GPC5: variants seen among roughly 807,000 people sequenced by gnomAD.
The protein encoded by GPC5 is glypican-5.
GPC5 carries 47 observed loss-of-function variants against 53.9 expected under a neutral mutation model. The observed-to-expected ratio is 0.87, with a 90% CI of 0.69 to 1.11. The LOEUF (loss-of-function observed/expected upper bound fraction) is 1.11. Among genes scored for constraint, GPC5 ranks in the 50% most tolerant of loss-of-function variants. The pLI is 0.00. For synonymous variants in GPC5, 286 were observed against 263.3 expected (o/e 1.09, Z -0.84); for missense variants, 748 against 713.1 (o/e 1.05, Z -0.56).
intron 1 of GPC5, among the ~76,000 whole-genome samples, chr13:91,442,384 T>G (rs946801927): frequency 2.6e-5 from 4 of 152,242 alleles, no homozygotes; most frequent in African/African-American, 9.6e-5. Flanking sequence ...GTCTCTCCTT[T>G]TTTATTGTGA....
chr13:91,646,274 G>T (rs1043886074), intron 2 of GPC5, among the ~76,000 whole-genome samples: 3 of 151,966 alleles, frequency 2.0e-5, no homozygotes, highest in African/African-American at 7.3e-5. Flanking sequence ...GCCATTTTAA[G>T]GATTCCTGAT....
intron 7 of GPC5, among the ~76,000 whole-genome samples, chr13:92,771,947 T>G (rs1875633095): frequency 6.6e-6 from 1 of 152,166 alleles, no homozygotes; most frequent in African/African-American, 2.4e-5. Flanking sequence ...CTTAAATCTT[T>G]TTTTTAACTT....
intron 7 of GPC5, among the ~76,000 whole-genome samples, chr13:92,823,217 A>G (rs555772368): frequency 1.3e-5 from 2 of 152,300 alleles, no homozygotes; most frequent in Non-Finnish European, 2.9e-5. Flanking sequence ...TGCATAGGAA[A>G]TATAGTTGGC....
Position 92,826,286 on chromosome 13 carries a change from A to G in GPC5, c.1562-39996A>G, listed in dbSNP as rs956709825. Among the ~76,000 whole-genome samples the G allele has an allele frequency of 2.6e-5, 4 of 152,138 alleles. No homozygotes were observed. In the East Asian group the frequency reaches 7.7e-4, roughly 29 times the overall value. Reference sequence around the variant, plus strand: ...TTAATAGGGAGAATGCCCTCCAAAGAGGAACGTGGTCTTTCTTGAAGAACA... The same window carrying G: ...TTAATAGGGAGAATGCCCTCCAAAGGGGAACGTGGTCTTTCTTGAAGAACA... On this transcript the variant is annotated intron_variant, in intron 7 of 7. Transcript: ENST00000377067.
chr13:92,239,982 T>A (rs1003778377), intron 7 of GPC5: 2 of 152,106 alleles, frequency 1.3e-5, no homozygotes, highest in Non-Finnish European at 2.9e-5. Flanking sequence ...AATTAAAGAA[T>A]AAATTTTCAA....
intron 7 of GPC5, among the ~76,000 whole-genome samples, chr13:92,554,059 T>A (rs1469790040): frequency 6.6e-6 from 1 of 151,874 alleles, no homozygotes; most frequent in Non-Finnish European, 1.5e-5. Context: ...ATTCAAACAA[T>A]ATACAAGAGA....
intron 7 of GPC5, among the ~76,000 whole-genome samples, chr13:92,253,263 G>C (rs185267444): frequency 1.3e-5 from 2 of 152,086 alleles, no homozygotes; most frequent in Non-Finnish European, 2.9e-5. Context: ...CTAGACAACT[G>C]TGGACTGGGA....
chr13:92,857,389 C>T (rs1350534340), intron 7 of GPC5, among the ~76,000 whole-genome samples: 3 of 152,058 alleles, frequency 2.0e-5, no homozygotes, highest in Admixed American at 2.0e-4. Context: ...AGGAAATACC[C>T]TTCTGGACTT....
At chr13:92,119,704 T>C (rs61966452) in intron 6 of GPC5, among the ~76,000 whole-genome samples, 6,112 of 151,304 alleles carry the variant, frequency 0.04, 182 homozygotes, top group Non-Finnish European at 0.059. Flanking sequence ...ATTTTAGTTT[T>C]AAAACTAGCT....
At chr13:91,940,401 G>A (rs111751382) in intron 6 of GPC5, among the ~76,000 whole-genome samples, 3,720 of 152,128 alleles carry the variant, frequency 0.024, 149 homozygotes, top group African/African-American at 0.085. Context: ...TTGTTGATGG[G>A]CATCTAGGTT....
At chr13:91,875,246 C>G (rs2039189426) in intron 5 of GPC5, among the ~76,000 whole-genome samples, 1 of 152,122 alleles carries the variant, frequency 6.6e-6, no homozygotes, top group African/African-American at 2.4e-5. Context: ...ATATTTGATT[C>G]TGATGAGGCT....
chr13:92,761,383 A>G (rs887134661), intron 7 of GPC5, among the ~76,000 whole-genome samples: 13 of 152,210 alleles, frequency 8.5e-5, no homozygotes, highest in African/African-American at 1.2e-4. Flanking sequence ...GGATGTATAT[A>G]TATTTATAAT....
intron 1 of GPC5, among the ~76,000 whole-genome samples, chr13:91,399,824 C>A (rs1283263530): frequency 6.6e-6 from 1 of 152,094 alleles, no homozygotes; most frequent in Non-Finnish European, 1.5e-5. Flanking sequence ...TCTCCCAGCA[C>A]CAAGGTAGTT....
At chr13:92,326,387 T>C (rs2043251191) in intron 7 of GPC5, among the ~76,000 whole-genome samples, 1 of 152,086 alleles carries the variant, frequency 6.6e-6, no homozygotes, top group Admixed American at 6.6e-5. Context: ...TTTATTGAAA[T>C]TTTTCTCAAT....
intron 7 of GPC5, among the ~76,000 whole-genome samples, chr13:92,178,234 G>T (rs1411450199): frequency 6.6e-6 from 1 of 152,192 alleles, no homozygotes; most frequent in East Asian, 1.9e-4. Flanking sequence ...CCAGTCTAGG[G>T]ATTCAAATTG....
chr13:92,238,266 G>A (rs2042584554), intron 7 of GPC5, among the ~76,000 whole-genome samples: 1 of 151,820 alleles, frequency 6.6e-6, no homozygotes, highest in Admixed American at 6.6e-5. Flanking sequence ...AGTGTACTCT[G>A]TACACTGCTG....
At chr13:92,288,075 T>C (rs1247438646) in intron 7 of GPC5, among the ~76,000 whole-genome samples, 4 of 152,166 alleles carry the variant, frequency 2.6e-5, no homozygotes, top group Non-Finnish European at 2.9e-5. Flanking sequence ...CTCTATTATA[T>C]CTATTTAAAT....
chr13:92,173,659 A>T lies in GPC5; in HGVS notation c.1561+28670A>T, dbSNP rs188104063. On this transcript the variant is annotated intron_variant, in intron 7 of 7. Transcript: ENST00000377067. ...TTTCATTAAAATGCAATGAGCAAAAACCTAGTGTCACTTGTGTGCCACGTC... is the reference window on the plus strand; with the variant it reads ...TTTCATTAAAATGCAATGAGCAAAATCCTAGTGTCACTTGTGTGCCACGTC... Among the ~76,000 whole-genome samples the T allele has an allele frequency of 2.6e-4, 40 of 152,370 alleles. 1 individual carries two copies. The highest frequency in any genetic ancestry group is 9.4e-4 in the African/African-American group (39 of 41,584).
chr13:92,047,553 A>T (rs1260450765), intron 6 of GPC5, among the ~76,000 whole-genome samples: 2 of 151,406 alleles, frequency 1.3e-5, no homozygotes, highest in African/African-American at 4.8e-5. Context: ...GTTACTTCTA[A>T]CCTTTATAAA....
Sources: allele counts gnomAD v4.1 joint callset (sites outside exome capture counted in the v4.1 genomes callset), GRCh38; gene constraint gnomAD v4.1.1; transcripts MANE v1.5; gene names NCBI Gene and HGNC (gene_info 2026-07-23, HGNC 2026-07-21).